The following LAMC2 variants were observed in gnomAD, a reference collection of about 807,000 sequenced individuals.
LAMC2 encodes laminin subunit gamma 2.
LAMC2 carries 97 observed loss-of-function variants against 140.2 expected under a neutral mutation model. The ratio of observed to expected loss-of-function variants is 0.69; its 90% CI spans 0.59 to 0.82. LAMC2 has a LOEUF of 0.82. Among genes scored for constraint, LAMC2 ranks in the 40% least tolerant of loss-of-function variants. The pLI is 0.00. For missense variants in LAMC2, 1,402 were observed against 1,476.1 expected (o/e 0.95, Z 0.82); for synonymous variants, 513 against 540.2 (o/e 0.95, Z 0.70).
At position 183,235,607 on chromosome 1, in the gene LAMC2, T is replaced by A. The variant is rs1342054556; in HGVS notation, c.2333T>A (p.Leu778Gln). 4 of 1,614,114 alleles carry A rather than the reference T, an allele frequency of 2.5e-6. No homozygotes were observed. In the East Asian group the frequency reaches 8.9e-5, roughly 36 times the overall value. Reference protein sequence around the residue: ...HVESASNMEQLTRETEDYSKQ... With the variant: ...HVESASNMEQQTRETEDYSKQ... ...GAGTCAGCCAGTAACATGGAGCAAC[T>A]GACAAGGGAAACTGAGGACTATTCC... The change falls in exon 16 of 23, where the codon CTG becomes CAG. Residue 778 changes from leucine (L) to glutamine (Q), a missense_variant. Physicochemically the swap from Leu to Gln is moderately radical, Grantham distance 113. Coordinates refer to ENST00000264144, the MANE Select transcript of LAMC2 (RefSeq NM_005562.3).
chr1:183,232,590 T>G lies in LAMC2; in HGVS notation c.2015-62T>G, dbSNP rs577232963. 2.1e-6 allele frequency: 3 copies of G among 1,448,914 alleles called. No homozygotes were observed. In the East Asian group the frequency reaches 6.8e-5, roughly 33 times the overall value. 89.8% of individuals were successfully genotyped at this position (1,448,914 alleles called of 1,614,324 possible). A position where few individuals can be genotyped will look rare whatever the true frequency, so the allele number is the denominator to read the frequency against. On this transcript the variant is annotated intron_variant, in intron 13 of 22. Transcript: ENST00000264144. ...CCATAAGCCAGTCAACCCTCCGTTA[T>G]GTTTGCTAACTCTATGCTGACCCAG...
chr1:183,248,438 C>T (rs200485013), downstream of LAMC2: 1 of 152,516 alleles, frequency 6.6e-6, no homozygotes, highest in African/African-American at 2.4e-5. Flanking sequence ...GATCAAAAAG[C>T]GATTCAAAAA....
intron 1 of LAMC2, among the ~76,000 whole-genome samples, chr1:183,202,648 A>C (rs1004751300): frequency 6.6e-6 from 1 of 152,242 alleles, no homozygotes; most frequent in Non-Finnish European, 1.5e-5. Flanking sequence ...GCAAACTGGC[A>C]TATGGCACTT....
At chr1:183,241,501 A>G (rs1284780018) in intron 22 of LAMC2, among the ~76,000 whole-genome samples, 2 of 152,176 alleles carry the variant, frequency 1.3e-5, no homozygotes, top group East Asian at 3.9e-4. Flanking sequence ...AAATTTCTGG[A>G]TTTAGGTAGA....
intron 20 of LAMC2, 123 bp downstream of exon 20, chr1:183,239,686 G>A (rs1660071607): frequency 3.6e-6 from 3 of 823,224 alleles, no homozygotes; most frequent in Admixed American, 2.7e-5. Context: ...TGGCCCATGG[G>A]AGCCCCAGAT....
At chr1:183,198,271 A>G (rs954424632) in intron 1 of LAMC2, among the ~76,000 whole-genome samples, 1 of 151,562 alleles carries the variant, frequency 6.6e-6, no homozygotes, top group Non-Finnish European at 1.5e-5. Flanking sequence ...CCACCCCAGT[A>G]GCTGGAACTA....
At chr1:183,222,749 G>A (rs949675569) in intron 6 of LAMC2, among the ~76,000 whole-genome samples, 6 of 152,196 alleles carry the variant, frequency 3.9e-5, no homozygotes. Flanking sequence ...GAATACTAAT[G>A]TCTGCCTCCC....
chr1:183,253,976 C>T, the LAMC2 span, among the ~76,000 whole-genome samples: 2 of 150,972 alleles, frequency 1.3e-5, no homozygotes, highest in African/African-American at 4.9e-5. Flanking sequence ...TTTTCTTTAT[C>T]TATTCATCCA....
At chr1:183,256,157 C>T in the LAMC2 span, among the ~76,000 whole-genome samples, 324 of 152,108 alleles carry the variant, frequency 2.1e-3, no homozygotes, top group Non-Finnish European at 3.2e-3. Flanking sequence ...CGTGTAATCC[C>T]AGCACTTTGG....
At position 183,237,522 on chromosome 1, in the gene LAMC2, C is replaced by A; in HGVS notation, c.2754+18C>A. The A allele has an allele frequency of 1.2e-6, 2 of 1,601,334 alleles. No individual in the cohort carries two copies. Among genetic ancestry groups the A allele is most frequent in the Non-Finnish European group, 1.7e-6 (2 of 1,169,254 alleles). On this transcript the variant is annotated intron_variant, in intron 18 of 22. Coordinates refer to ENST00000264144, the MANE Select transcript of LAMC2 (RefSeq NM_005562.3). ...GGAGAGAGGTATTCTTTTGTTAATT[C>A]ATTCACTCAATAAAGATGTATTGAA...
At chr1:183,246,584 A>G (rs775747126), downstream of LAMC2, among the ~76,000 whole-genome samples, 2 of 152,208 alleles carry the variant, frequency 1.3e-5, no homozygotes, top group South Asian at 2.1e-4. Flanking sequence ...CCCATAGACT[A>G]TAACTTCTTA....
At chr1:183,215,714 T>A in intron 3 of LAMC2, 126 bp downstream of exon 3, 1 of 1,110,120 alleles carries the variant, frequency 9.0e-7, no homozygotes, top group East Asian at 2.4e-5. Context: ...GTACATCATT[T>A]GGGCTATCTA....
chr1:183,194,430 T>C (rs1025631535), intron 1 of LAMC2, among the ~76,000 whole-genome samples: 2 of 152,162 alleles, frequency 1.3e-5, no homozygotes, highest in African/African-American at 2.4e-5. Context: ...GATGTAGTGA[T>C]AGCAAAAAAT....
chr1:183,187,922 A>G (rs1360508878), intron 1 of LAMC2, among the ~76,000 whole-genome samples: 1 of 152,248 alleles, frequency 6.6e-6, no homozygotes, highest in Non-Finnish European at 1.5e-5. Flanking sequence ...AAGGAATAAG[A>G]TACATCTTTT....
the LAMC2 span, among the ~76,000 whole-genome samples, chr1:183,253,681 T>A: frequency 6.6e-6 from 1 of 152,226 alleles, no homozygotes; most frequent in Non-Finnish European, 1.5e-5. Flanking sequence ...CTGCTTTGTA[T>A]CCTTTGATCT....
intron 9 of LAMC2, among the ~76,000 whole-genome samples, chr1:183,227,216 G>A (rs1010598671): frequency 3.3e-5 from 5 of 152,200 alleles, no homozygotes; most frequent in Admixed American, 2.0e-4. Flanking sequence ...ACAAGTCCGG[G>A]TCTAAATGAA....
rs188020406 is a variant in LAMC2, at chr1:183,224,472, G to C, written c.954-1136G>C. ...AAGAAGTGTGATCGTCAGGTGTGAA[G>C]GCTAGGTGCAACTACAGGCACCATA... On this transcript the variant is annotated intron_variant, in intron 7 of 22. Coordinates refer to ENST00000264144, the MANE Select transcript of LAMC2 (RefSeq NM_005562.3). Among the ~76,000 whole-genome samples, 65 of 152,262 alleles carry C rather than the reference G, an allele frequency of 4.3e-4. No individual in the cohort carries two copies. In the East Asian group the frequency reaches 0.012, roughly 28 times the overall value.
chr1:183,254,735 C>A, the LAMC2 span, among the ~76,000 whole-genome samples: 1 of 152,298 alleles, frequency 6.6e-6, no homozygotes, highest in African/African-American at 2.4e-5. Context: ...TCACACTGTG[C>A]CCCTTTGCCC....
intron 2 of LAMC2, among the ~76,000 whole-genome samples, chr1:183,209,532 T>A (rs1450758623): frequency 6.6e-6 from 1 of 152,184 alleles, no homozygotes; most frequent in African/African-American, 2.4e-5. Flanking sequence ...ATCCAGAATC[T>A]TTTGGATTTA....
Sources: gnomAD v4.1 joint callset for allele counts (sites outside exome capture counted in the v4.1 genomes callset) on GRCh38, gnomAD v4.1.1 for gene constraint, MANE v1.5 for transcripts, NCBI Gene and HGNC (gene_info 2026-07-23, HGNC 2026-07-21) for gene names.